Variants in FIG4 observed in about 807,000 individuals in gnomAD.
FIG4 encodes the protein FIG4 phosphoinositide 5-phosphatase, also known as polyphosphoinositide phosphatase.
In FIG4, 112 loss-of-function variants were observed where a neutral mutation model predicts 118.6. The observed-to-expected ratio is 0.94, with a 90% CI of 0.81 to 1.11. The LOEUF (loss-of-function observed/expected upper bound fraction) is 1.11, where lower values mean the gene tolerates loss of function less well. FIG4 is among the 50% of genes least tolerant of loss of function. The probability of loss-of-function intolerance (pLI) is 0.00; values close to 1 mark genes in which losing one functional copy is unlikely to be tolerated. For synonymous variants in FIG4, 369 were observed against 381.2 expected (o/e 0.97, Z 0.37); for missense variants, 969 against 1,111.7 (o/e 0.87, Z 1.83).
chr6:109,694,572 C>CA (rs1774651573), intron 1 of FIG4, among the ~76,000 whole-genome samples: 1 of 152,046 alleles, frequency 6.6e-6, no homozygotes, highest in Admixed American at 6.5e-5. Context: ...GGAACAAACC[C>CA]AAAAATAGAC....
At chr6:109,746,305 A>G (rs888769246) in intron 10 of FIG4, among the ~76,000 whole-genome samples, 2 of 152,168 alleles carry the variant, frequency 1.3e-5, no homozygotes, top group African/African-American at 4.8e-5. Flanking sequence ...TCCTGCCTTG[A>G]GCTAACAGCC....
chr6:109,754,303 G>A (rs1291520321), intron 10 of FIG4, among the ~76,000 whole-genome samples: 1 of 152,134 alleles, frequency 6.6e-6, no homozygotes, highest in Non-Finnish European at 1.5e-5. Flanking sequence ...CTTGATCATG[G>A]TGGATAAGCT....
At chr6:109,789,886 A>T (rs938682290) in intron 19 of FIG4, among the ~76,000 whole-genome samples, 5 of 152,226 alleles carry the variant, frequency 3.3e-5, no homozygotes, top group Admixed American at 6.5e-5. Context: ...AATATAACAG[A>T]TGACATAAAG....
At chr6:109,713,889 G>C (rs1245569853) in intron 1 of FIG4, among the ~76,000 whole-genome samples, 1 of 152,128 alleles carries the variant, frequency 6.6e-6, no homozygotes, top group African/African-American at 2.4e-5. Flanking sequence ...CCCTGGGAGA[G>C]AGGTCAGCAG....
At chr6:109,739,708 GTAC>G (rs1246786907) in intron 7 of FIG4, among the ~76,000 whole-genome samples, 1 of 151,974 alleles carries the variant, frequency 6.6e-6, no homozygotes, top group African/African-American at 2.4e-5. Context: ...GCCCCCCTTG[GTAC>G]TTGGAACCGA....
At chr6:109,698,951 T>A (rs972980810) in intron 1 of FIG4, among the ~76,000 whole-genome samples, 2 of 152,244 alleles carry the variant, frequency 1.3e-5, no homozygotes, top group Non-Finnish European at 2.9e-5. Flanking sequence ...ATTTTCTTAA[T>A]GTCTTTGTCT....
At chr6:109,741,673 C>A (rs2128386680) in intron 8 of FIG4, 129 bp downstream of exon 8, 1 of 722,036 alleles carries the variant, frequency 1.4e-6, no homozygotes, top group Non-Finnish European at 2.5e-6. Context: ...AATACAGTTG[C>A]CTTTTAGTAT....
Position 109,810,469 on chromosome 6 carries a change from G to A in FIG4, c.2546+13618G>A, listed in dbSNP as rs117318489. 6.4e-4 allele frequency among the ~76,000 whole-genome samples: 98 copies of A among 152,220 alleles called. 1 individual carries two copies. In the East Asian group the frequency reaches 0.017, roughly 26 times the overall value. ...AGAGCATTAGTTCTGGGATTGTCTG[G>A]TTCATTGGTTCATTTATTCCCTTGC... On this transcript the variant is annotated intron_variant, in intron 22 of 22. Coordinates refer to ENST00000230124, the MANE Select transcript of FIG4 (RefSeq NM_014845.6).
chr6:109,758,867 G>A (rs1326991205), intron 10 of FIG4, among the ~76,000 whole-genome samples: 1 of 152,166 alleles, frequency 6.6e-6, no homozygotes, highest in Non-Finnish European at 1.5e-5. Flanking sequence ...CATCATCACT[G>A]GTCATTAGAA....
intron 4 of FIG4, among the ~76,000 whole-genome samples, chr6:109,731,168 A>G (rs1401009394): frequency 1.3e-5 from 2 of 152,222 alleles, no homozygotes; most frequent in Admixed American, 6.5e-5. Flanking sequence ...AATAATCAGA[A>G]TATCTGCTGT....
chr6:109,760,920 A>G (rs1171171917), intron 11 of FIG4, among the ~76,000 whole-genome samples: 2 of 152,160 alleles, frequency 1.3e-5, no homozygotes, highest in East Asian at 3.9e-4. Flanking sequence ...CCTCCCTGGG[A>G]TGCTTTCCCA....
chr6:109,755,882 C>T (rs1307562598), intron 10 of FIG4, among the ~76,000 whole-genome samples: 2 of 152,172 alleles, frequency 1.3e-5, no homozygotes, highest in African/African-American at 4.8e-5. Flanking sequence ...GGTCTTTACT[C>T]TTTATCCAAT....
chr6:109,743,004 G>A (rs1776370062), intron 8 of FIG4, 106 bp from the exon 9 acceptor site: 3 of 1,014,112 alleles, frequency 3.0e-6, no homozygotes, highest in Non-Finnish European at 4.5e-6. Context: ...CAAAGAATAG[G>A]AATTATAACT....
chr6:109,701,468 A>T (rs1448502622), intron 1 of FIG4, among the ~76,000 whole-genome samples: 1 of 152,254 alleles, frequency 6.6e-6, no homozygotes. Flanking sequence ...GCATCACAAT[A>T]AGTGACCATT....
At chr6:109,694,695 G>A (rs898940104) in intron 1 of FIG4, among the ~76,000 whole-genome samples, 1 of 152,106 alleles carries the variant, frequency 6.6e-6, no homozygotes, top group African/African-American at 2.4e-5. Context: ...CATCCAAGAA[G>A]GGACTAATAT....
intron 22 of FIG4, among the ~76,000 whole-genome samples, chr6:109,798,718 G>A (rs1040508316): frequency 6.6e-6 from 1 of 152,178 alleles, no homozygotes; most frequent in Non-Finnish European, 1.5e-5. Context: ...TGGCTAATCA[G>A]AGAAGTGGAA....
intron 10 of FIG4, among the ~76,000 whole-genome samples, chr6:109,758,839 A>C (rs1777006877): frequency 6.6e-6 from 1 of 152,234 alleles, no homozygotes; most frequent in African/African-American, 2.4e-5. Context: ...GTGGCCAACA[A>C]ACATATGAAA....
intron 1 of FIG4, among the ~76,000 whole-genome samples, chr6:109,696,301 TAGTATC>T (rs1774716728): frequency 6.6e-6 from 1 of 152,240 alleles, no homozygotes; most frequent in Non-Finnish European, 1.5e-5. Context: ...TATAGCAAGT[TAGTATC>T]AGTTTATTTT....
chr6:109,765,672 G>T (rs1777258658), intron 14 of FIG4, among the ~76,000 whole-genome samples: 1 of 152,100 alleles, frequency 6.6e-6, no homozygotes, highest in Admixed American at 6.5e-5. Context: ...AACAAATCCA[G>T]ATGGCATTTT....
Sources: gnomAD v4.1 joint callset for allele counts (sites outside exome capture counted in the v4.1 genomes callset) on GRCh38, gnomAD v4.1.1 for gene constraint, MANE v1.5 for transcripts, NCBI Gene and HGNC (gene_info 2026-07-23, HGNC 2026-07-21) for gene names.